The following TYW1 variants were observed in gnomAD, a reference collection of about 807,000 sequenced individuals.
TYW1 encodes tRNA-yW synthesizing protein 1 homolog.
Under a neutral mutation model 96.2 loss-of-function variants are expected in TYW1, and 46 were observed. The ratio of observed to expected loss-of-function variants is 0.48; its 90% CI spans 0.38 to 0.61. The LOEUF (loss-of-function observed/expected upper bound fraction) is 0.61, where lower values mean the gene tolerates loss of function less well. Among genes scored for constraint, TYW1 ranks in the 20% least tolerant of loss-of-function variants. The pLI is 0.00. For missense variants in TYW1, 684 were observed against 909.6 expected, an observed-to-expected ratio of 0.75 and a Z score of 3.19; for synonymous variants, 274 against 323.0, an observed-to-expected ratio of 0.85 and a Z score of 1.63.
chr7:67,237,255 C>T (rs988653004), intron 15 of TYW1, among the ~76,000 whole-genome samples: 11 of 105,612 alleles, frequency 1.0e-4, no homozygotes, highest in African/African-American at 4.9e-4. Flanking sequence ...AATCCCAGCA[C>T]TTTGGGAGGC....
intron 9 of TYW1, among the ~76,000 whole-genome samples, chr7:67,056,462 A>G (rs1795520909): frequency 6.6e-6 from 1 of 151,126 alleles, no homozygotes; most frequent in Non-Finnish European, 1.5e-5. Flanking sequence ...ACTGCACTCC[A>G]GCCTGGGTGA....
At chr7:67,163,990 CT>C (rs2116230887) in intron 13 of TYW1, among the ~76,000 whole-genome samples, 1 of 152,180 alleles carries the variant, frequency 6.6e-6, no homozygotes, top group South Asian at 2.1e-4. Flanking sequence ...TTTTAAGTAT[CT>C]ACTGTAATGG....
At chr7:67,236,518 C>G (rs1460460910) in intron 15 of TYW1, among the ~76,000 whole-genome samples, 1 of 152,166 alleles carries the variant, frequency 6.6e-6, no homozygotes, top group Non-Finnish European at 1.5e-5. Flanking sequence ...GGCTCAGTGC[C>G]TGGGAATGAC....
At chr7:67,133,585 G>A (rs117864562) in intron 13 of TYW1, among the ~76,000 whole-genome samples, 47 of 133,582 alleles carry the variant, frequency 3.5e-4, no homozygotes, top group African/African-American at 1.3e-3. Context: ...GTTGTCCCAG[G>A]TACTTGGCGG....
At chr7:67,237,566 A>G (rs1247001723) in intron 15 of TYW1, among the ~76,000 whole-genome samples, 4 of 151,624 alleles carry the variant, frequency 2.6e-5, no homozygotes, top group Admixed American at 6.6e-5. Flanking sequence ...AGGTATCAGC[A>G]TATTAGTTAA....
At chr7:67,113,358 A>G (rs2690189) in intron 12 of TYW1, among the ~76,000 whole-genome samples, 1 of 152,200 alleles carries the variant, frequency 6.6e-6, no homozygotes, top group East Asian at 1.9e-4. Context: ...AGCCCCTGAA[A>G]AGAATTAAGT....
At chr7:67,102,897 C>T (rs1183796779) in intron 12 of TYW1, among the ~76,000 whole-genome samples, 2 of 152,196 alleles carry the variant, frequency 1.3e-5, no homozygotes, top group African/African-American at 4.8e-5. Context: ...AATCCGCCCG[C>T]CTTGGCCTCC....
intron 15 of TYW1, among the ~76,000 whole-genome samples, chr7:67,220,359 A>G (rs1213743446): frequency 6.6e-6 from 1 of 151,806 alleles, no homozygotes; most frequent in Non-Finnish European, 1.5e-5. Flanking sequence ...GCCTGCCACC[A>G]TGCCTGGCTA....
intron 10 of TYW1, among the ~76,000 whole-genome samples, chr7:67,073,593 A>C (rs1263532444): frequency 6.6e-6 from 1 of 150,936 alleles, no homozygotes; most frequent in African/African-American, 2.4e-5. Context: ...AACAGAGGGA[A>C]ACCCCGTCTC....
chr7:67,171,551 A>G (rs1429803018), intron 13 of TYW1, among the ~76,000 whole-genome samples: 2 of 151,950 alleles, frequency 1.3e-5, no homozygotes, highest in African/African-American at 4.8e-5. Flanking sequence ...GTCTTATATT[A>G]TTGGTTACTG....
chr7:67,094,598 A>G (rs1418783567), intron 11 of TYW1, among the ~76,000 whole-genome samples: 5 of 151,778 alleles, frequency 3.3e-5, no homozygotes, highest in Admixed American at 3.3e-4. Flanking sequence ...TTTTTCACGT[A>G]ACTTACACTT....
chr7:67,189,469 GTGTC>G (rs928827348), intron 14 of TYW1, among the ~76,000 whole-genome samples: 8 of 152,116 alleles, frequency 5.3e-5, no homozygotes, highest in East Asian at 1.9e-4. Flanking sequence ...GTGTTTGTGT[GTGTC>G]TGTCCGTGTG....
chr7:67,000,244 T>C (rs1282888941), intron 3 of TYW1, among the ~76,000 whole-genome samples: 2 of 152,140 alleles, frequency 1.3e-5, no homozygotes, highest in African/African-American at 4.8e-5. Flanking sequence ...TCCCATTCTC[T>C]AATTATATCT....
intron 13 of TYW1, among the ~76,000 whole-genome samples, chr7:67,126,927 T>C (rs1170065293): frequency 6.6e-6 from 1 of 152,126 alleles, no homozygotes; most frequent in African/African-American, 2.4e-5. Context: ...TTGTTGGTCT[T>C]GTTCTTTGTT....
chr7:67,121,532 ACT>A (rs1363404777), intron 13 of TYW1, among the ~76,000 whole-genome samples: 2 of 152,106 alleles, frequency 1.3e-5, no homozygotes, highest in Non-Finnish European at 2.9e-5. Flanking sequence ...CAAGAGCAAG[ACT>A]CTGTCTCAAA....
rs1417490271 is a variant in TYW1, at chr7:66,998,205, GTTA to G, written c.135+13_135+15del. 6.3e-7 allele frequency: 1 copy of G among 1,583,180 alleles called. No individual in the cohort carries two copies. Among genetic ancestry groups the G allele is most frequent in the East Asian group, 2.2e-5 (1 of 44,556 alleles). On this transcript the variant is annotated intron_variant, in intron 2 of 15. Transcript: ENST00000359626. ...TGTCATCAAGACGCAGGTAAGTGGA[GTTA>G]TTTTTTTTTTAATGGAGTATTTAGG...
At chr7:67,074,088 A>AG (rs1796130826) in intron 10 of TYW1, among the ~76,000 whole-genome samples, 2 of 151,372 alleles carry the variant, frequency 1.3e-5, no homozygotes, top group African/African-American at 4.9e-5. Flanking sequence ...AAAAAAAAAA[A>AG]GAAATAAAAT....
chr7:67,176,900 C>T (rs79642470), intron 13 of TYW1, among the ~76,000 whole-genome samples: 42,360 of 151,416 alleles, frequency 0.28, 6,434 homozygotes, highest in African/African-American at 0.4. Context: ...GGCCTTTACC[C>T]ACTAGATGTC....
chr7:67,016,773 G>A (rs892516137), intron 5 of TYW1, among the ~76,000 whole-genome samples: 4 of 151,764 alleles, frequency 2.6e-5, no homozygotes, highest in African/African-American at 7.3e-5. Flanking sequence ...GACCACAGGC[G>A]CCCACCACAC....
Sources: allele counts gnomAD v4.1 joint callset (sites outside exome capture counted in the v4.1 genomes callset), GRCh38; gene constraint gnomAD v4.1.1; transcripts MANE v1.5; gene names NCBI Gene and HGNC (gene_info 2026-07-23, HGNC 2026-07-21).